The following RAB10 variants were observed in gnomAD, a reference collection of about 807,000 sequenced individuals.
RAB10 encodes RAB10, member RAS oncogene family, also known as ras-related protein Rab-10.
RAB10 carries 5 observed loss-of-function variants against 25.7 expected under a neutral mutation model. The ratio of observed to expected loss-of-function variants is 0.19; its 90% CI spans 0.10 to 0.41. The LOEUF is 0.41. Ranked by LOEUF, RAB10 falls within the 10% of genes least tolerant of loss-of-function variation. The pLI is 1.00. For synonymous variants in RAB10, 89 were observed against 86.4 expected (o/e 1.03, Z -0.16); for missense variants, 103 against 245.8 (o/e 0.42, Z 3.89).
intron 1 of RAB10, among the ~76,000 whole-genome samples, chr2:26,084,458 A>C (rs1666935617): frequency 6.6e-6 from 1 of 152,218 alleles, no homozygotes; most frequent in African/African-American, 2.4e-5. Context: ...ATAATGAGGA[A>C]ATCATGTTGG....
intron 2 of RAB10, among the ~76,000 whole-genome samples, chr2:26,105,097 G>A (rs1667439825): frequency 6.6e-6 from 1 of 152,076 alleles, no homozygotes; most frequent in Non-Finnish European, 1.5e-5. Context: ...CTTTTGCATG[G>A]ATATATTCAG....
At chr2:26,045,450 A>G (rs1406305854) in intron 1 of RAB10, among the ~76,000 whole-genome samples, 1 of 151,890 alleles carries the variant, frequency 6.6e-6, no homozygotes, top group Non-Finnish European at 1.5e-5. Flanking sequence ...TGTGTTAGCC[A>G]GGATGGTCTC....
intron 1 of RAB10, among the ~76,000 whole-genome samples, chr2:26,049,703 G>A (rs1036009419): frequency 5.9e-5 from 9 of 152,232 alleles, no homozygotes; most frequent in Middle Eastern, 3.4e-3. Context: ...TGGCCTAGAT[G>A]AGAATTTTAA....
intron 1 of RAB10, chr2:26,042,753 C>T (rs767013747): frequency 4.0e-5 from 6 of 150,918 alleles, no homozygotes; most frequent in East Asian, 1.9e-4. Flanking sequence ...AAGGATGACA[C>T]GCAAATTTGT....
chr2:26,090,877 T>C (rs1055003958), intron 1 of RAB10, among the ~76,000 whole-genome samples: 2 of 150,658 alleles, frequency 1.3e-5, no homozygotes, highest in African/African-American at 2.4e-5. Flanking sequence ...GAGGTTGCAG[T>C]GAGCTGAGAT....
intron 5 of RAB10, among the ~76,000 whole-genome samples, chr2:26,131,951 T>G (rs546093983): frequency 6.6e-6 from 1 of 152,382 alleles, no homozygotes; most frequent in East Asian, 1.9e-4. Flanking sequence ...ACATTAACTG[T>G]GTGTGTAGTA....
At chr2:26,066,969 A>T (rs1198519044) in intron 1 of RAB10, among the ~76,000 whole-genome samples, 1 of 151,872 alleles carries the variant, frequency 6.6e-6, no homozygotes, top group Non-Finnish European at 1.5e-5. Flanking sequence ...TTTAGTAGAG[A>T]TGGGGTTTAT....
chr2:26,132,973 T>C (rs1285866413), intron 5 of RAB10, among the ~76,000 whole-genome samples: 14 of 152,162 alleles, frequency 9.2e-5, no homozygotes, highest in Admixed American at 9.2e-4. Context: ...CTCAAAGATC[T>C]GTATTAGGAG....
At chr2:26,129,030 T>G (rs1163301494) in intron 5 of RAB10, among the ~76,000 whole-genome samples, 2 of 152,158 alleles carry the variant, frequency 1.3e-5, no homozygotes, top group Non-Finnish European at 2.9e-5. Context: ...CCCAGCACTT[T>G]GGGAGGCTGA....
At chr2:26,134,787 A>G (rs1668075224) in intron 5 of RAB10, 151 bp from the exon 6 acceptor site, 2 of 576,976 alleles carry the variant, frequency 3.5e-6, no homozygotes, top group African/African-American at 1.9e-5. Flanking sequence ...AAAGCTTCCA[A>G]ATCTTTACTT....
chr2:26,045,712 A>G (rs1329639386), intron 1 of RAB10, among the ~76,000 whole-genome samples: 2 of 152,168 alleles, frequency 1.3e-5, no homozygotes, highest in South Asian at 2.1e-4. Flanking sequence ...TGAGATGGTT[A>G]AGTCATAAAG....
intron 1 of RAB10, among the ~76,000 whole-genome samples, chr2:26,087,925 CAA>C (rs1667023079): frequency 6.6e-6 from 1 of 152,152 alleles, no homozygotes; most frequent in African/African-American, 2.4e-5. Flanking sequence ...GATAAAGAAA[CAA>C]ATACCCATAT....
At chr2:26,045,597 A>T (rs763568878) in intron 1 of RAB10, among the ~76,000 whole-genome samples, 5 of 152,232 alleles carry the variant, frequency 3.3e-5, no homozygotes, top group Non-Finnish European at 5.9e-5. Flanking sequence ...AGAACGAAGG[A>T]GTAGGAGCTT....
At chr2:26,038,194 TG>T (rs1665804848) in intron 1 of RAB10, among the ~76,000 whole-genome samples, 3 of 149,086 alleles carry the variant, frequency 2.0e-5, no homozygotes, top group African/African-American at 7.5e-5. Context: ...CTCCTTTGTT[TG>T]TTTGTTTTTT....
intron 5 of RAB10, among the ~76,000 whole-genome samples, chr2:26,132,050 C>T (rs1668022459): frequency 1.3e-5 from 2 of 152,158 alleles, no homozygotes; most frequent in South Asian, 4.1e-4. Context: ...CATGTATGTA[C>T]ATTTGCAATT....
chr2:26,034,239 G>A lies in RAB10; in HGVS notation c.-370G>A. On this transcript the variant is annotated 5_prime_UTR_variant, in exon 1 of 6. Transcript: ENST00000264710. Reference sequence around the variant, plus strand: ...CGTGCTAGCAGGGAGTTTCCGCTCGGGAGAGAGACTGTCCTCACGCCCGCT... The same window carrying A: ...CGTGCTAGCAGGGAGTTTCCGCTCGAGAGAGAGACTGTCCTCACGCCCGCT... 1 of 468,694 alleles carries A rather than the reference G, an allele frequency of 2.1e-6. No individual in the cohort carries two copies. Among genetic ancestry groups the A allele is most frequent in the African/African-American group, 2.0e-5 (1 of 50,700 alleles). The allele number at this position is 468,694 out of a possible 1,614,324, so 29.0% of individuals were successfully genotyped here.
rs183083111 is a variant in RAB10, at chr2:26,123,552, A to G, written c.328-3592A>G. On this transcript the variant is annotated intron_variant, in intron 3 of 5. Coordinates refer to ENST00000264710, the MANE Select transcript of RAB10 (RefSeq NM_016131.5). Reference sequence around the variant, plus strand: ...CAGAGCCAGTCAAGGAATTTATGAAAGAGACTGTGGATAAGACAAGAGCTA... The same window carrying G: ...CAGAGCCAGTCAAGGAATTTATGAAGGAGACTGTGGATAAGACAAGAGCTA... Among the ~76,000 whole-genome samples the G allele has an allele frequency of 9.3e-4, 142 of 152,374 alleles. 1 individual carries two copies. Among genetic ancestry groups the G allele is most frequent in the Non-Finnish European group, 1.9e-3 (127 of 68,024 alleles).
intron 3 of RAB10, among the ~76,000 whole-genome samples, chr2:26,114,841 G>T (rs1298520380): frequency 6.6e-6 from 1 of 151,928 alleles, no homozygotes; most frequent in Non-Finnish European, 1.5e-5. Flanking sequence ...GGTCGAGGCT[G>T]CAGTGAACCA....
chr2:26,071,384 A>T (rs528038978), intron 1 of RAB10, among the ~76,000 whole-genome samples: 1 of 152,164 alleles, frequency 6.6e-6, no homozygotes, highest in Non-Finnish European at 1.5e-5. Flanking sequence ...GATAAAATTT[A>T]TGCTTTTAAG....
Sources: gnomAD v4.1 joint callset for allele counts (sites outside exome capture counted in the v4.1 genomes callset) on GRCh38, gnomAD v4.1.1 for gene constraint, MANE v1.5 for transcripts, NCBI Gene and HGNC (gene_info 2026-07-23, HGNC 2026-07-21) for gene names.